Variants in AGMO observed in about 807,000 individuals in gnomAD.
AGMO encodes the protein glyceryl-ether monooxygenase.
In AGMO, 75 loss-of-function variants were observed where a neutral mutation model predicts 60.2. The ratio of observed to expected loss-of-function variants is 1.25; its 90% CI spans 1.03 to 1.51. The LOEUF is 1.51. Among genes scored for constraint, AGMO ranks in the 40% most tolerant of loss-of-function variants. The probability of loss-of-function intolerance (pLI) is 0.00; values close to 1 mark genes in which losing one functional copy is unlikely to be tolerated. For missense variants in AGMO, 763 were observed against 525.5 expected (o/e 1.45, Z -4.42); for synonymous variants, 261 against 177.1 (o/e 1.47, Z -3.76).
At chr7:15,275,338 T>C (rs940648877) in intron 12 of AGMO, among the ~76,000 whole-genome samples, 1 of 152,150 alleles carries the variant, frequency 6.6e-6, no homozygotes, top group Non-Finnish European at 1.5e-5. Flanking sequence ...TACATGAATT[T>C]GTGTAGTTTT....
intron 12 of AGMO, among the ~76,000 whole-genome samples, chr7:15,252,465 C>T (rs1380911938): frequency 6.6e-6 from 1 of 152,166 alleles, no homozygotes; most frequent in Admixed American, 6.5e-5. Context: ...CTTTCCCTTT[C>T]TGGCTTTGAG....
intron 3 of AGMO, among the ~76,000 whole-genome samples, chr7:15,474,681 G>A (rs1782545703): frequency 6.6e-6 from 1 of 152,046 alleles, no homozygotes; most frequent in Non-Finnish European, 1.5e-5. Context: ...GGCAACAAAA[G>A]CCAAAATTGA....
At chr7:15,278,964 C>G (rs1160372992) in intron 12 of AGMO, among the ~76,000 whole-genome samples, 1 of 152,126 alleles carries the variant, frequency 6.6e-6, no homozygotes, top group African/African-American at 2.4e-5. Flanking sequence ...TCTGCCCACT[C>G]CTCTGTGGAT....
chr7:15,298,826 G>C (rs545676996), intron 12 of AGMO, among the ~76,000 whole-genome samples: 2 of 152,152 alleles, frequency 1.3e-5, no homozygotes, highest in African/African-American at 4.8e-5. Context: ...TATTACTACT[G>C]ATTTGGAATA....
intron 12 of AGMO, among the ~76,000 whole-genome samples, chr7:15,315,327 G>GTTTTTTTT (rs1780888195): frequency 4.4e-5 from 3 of 68,844 alleles, no homozygotes; most frequent in African/African-American, 1.8e-4. Context: ...ATGGATATTT[G>GTTTTTTTT]CTTTTTTTTT....
At chr7:15,439,898 C>G (rs188196789) in intron 3 of AGMO, among the ~76,000 whole-genome samples, 1 of 152,104 alleles carries the variant, frequency 6.6e-6, no homozygotes, top group African/African-American at 2.4e-5. Flanking sequence ...TGAGACCCCC[C>G]GACCCTGTCT....
intron 12 of AGMO, among the ~76,000 whole-genome samples, chr7:15,323,331 T>C (rs1443974259): frequency 6.6e-6 from 1 of 152,162 alleles, no homozygotes; most frequent in African/African-American, 2.4e-5. Context: ...TTGTTTATTT[T>C]TGTTAATACA....
At chr7:15,370,236 T>A (rs1279155602) in intron 10 of AGMO, among the ~76,000 whole-genome samples, 1 of 152,216 alleles carries the variant, frequency 6.6e-6, no homozygotes, top group Admixed American at 6.5e-5. Context: ...ACATGAATTC[T>A]TTTTCATGCC....
the AGMO span, among the ~76,000 whole-genome samples, chr7:15,169,445 C>T: frequency 5.3e-5 from 8 of 150,566 alleles, no homozygotes; most frequent in East Asian, 3.9e-4. Context: ...TTCTTTCTTT[C>T]TTTTTTTTTG....
chr7:15,231,629 C>G (rs1782262273), intron 12 of AGMO, among the ~76,000 whole-genome samples: 2 of 152,138 alleles, frequency 1.3e-5, no homozygotes, highest in Admixed American at 1.3e-4. Flanking sequence ...TATGAATGTT[C>G]CATTTTGCAA....
the AGMO span, among the ~76,000 whole-genome samples, chr7:15,171,889 G>T: frequency 6.6e-6 from 1 of 152,028 alleles, no homozygotes; most frequent in South Asian, 2.1e-4. Context: ...ATGAAGAAAT[G>T]GACTATCTCA....
Position 15,297,043 on chromosome 7 carries a change from ATCTC to A in AGMO, c.1263+68467_1263+68470del, listed in dbSNP as rs372530895. On this transcript the variant is annotated intron_variant, in intron 12 of 12. Coordinates refer to ENST00000342526, the MANE Select transcript of AGMO (RefSeq NM_001004320.2). ...CCTCTCTTTCTCATACCACCTAGCC[ATCTC>A]TCTCTGTCTCTCTCTCTCTCACACA... 2.4e-3 allele frequency among the ~76,000 whole-genome samples: 354 copies of A among 148,120 alleles called. 1 individual carries two copies. Among genetic ancestry groups the A allele is most frequent in the African/African-American group, 7.9e-3 (322 of 40,604 alleles).
chr7:15,391,687 A>G (rs745437727), intron 6 of AGMO, among the ~76,000 whole-genome samples: 6 of 152,186 alleles, frequency 3.9e-5, no homozygotes, highest in Non-Finnish European at 8.8e-5. Context: ...CTCCCATAGT[A>G]TAAAAGGAGA....
the AGMO span, among the ~76,000 whole-genome samples, chr7:15,180,687 T>C: frequency 6.6e-6 from 1 of 152,326 alleles, no homozygotes; most frequent in East Asian, 1.9e-4. Flanking sequence ...TTCCAGTCTC[T>C]ATTCATTACC....
intron 12 of AGMO, among the ~76,000 whole-genome samples, chr7:15,283,824 T>C (rs1784031378): frequency 6.6e-6 from 1 of 151,474 alleles, no homozygotes; most frequent in African/African-American, 2.4e-5. Flanking sequence ...GACCATATGA[T>C]AGGCCACAAA....
intron 12 of AGMO, among the ~76,000 whole-genome samples, chr7:15,277,528 T>C (rs1412073657): frequency 7.0e-6 from 1 of 143,124 alleles, no homozygotes; most frequent in Non-Finnish European, 1.5e-5. Context: ...TTCATTTGGA[T>C]TGGATTTTTT....
chr7:15,454,549 C>A (rs1781947907), intron 3 of AGMO, among the ~76,000 whole-genome samples: 1 of 151,930 alleles, frequency 6.6e-6, no homozygotes, highest in Non-Finnish European at 1.5e-5. Flanking sequence ...TATATAAGAT[C>A]GTCATTGTTA....
chr7:15,460,560 T>C (rs1782118071), intron 3 of AGMO, among the ~76,000 whole-genome samples: 1 of 152,136 alleles, frequency 6.6e-6, no homozygotes, highest in African/African-American at 2.4e-5. Context: ...CAGAAATAAA[T>C]GTGACTCTTA....
At chr7:15,243,236 C>A (rs979660013) in intron 12 of AGMO, among the ~76,000 whole-genome samples, 2 of 152,030 alleles carry the variant, frequency 1.3e-5, no homozygotes, top group Admixed American at 6.6e-5. Context: ...AATCCAAGTT[C>A]TTTATAGAGC....
Sources: allele counts gnomAD v4.1 joint callset (sites outside exome capture counted in the v4.1 genomes callset), GRCh38; gene constraint gnomAD v4.1.1; transcripts MANE v1.5; gene names NCBI Gene and HGNC (gene_info 2026-07-23, HGNC 2026-07-21).